Variants in LPAR4 observed in about 807,000 individuals in gnomAD.
The protein encoded by LPAR4 is lysophosphatidic acid receptor 4.
In LPAR4, 14 loss-of-function variants were observed where a neutral mutation model predicts 9.2. The observed-to-expected ratio is 1.51, with a 90% CI of 1.00 to 2.37. The LOEUF (loss-of-function observed/expected upper bound fraction) is 2.37, where lower values mean the gene tolerates loss of function less well. Ranked by LOEUF, LPAR4 falls within the 30% of genes most tolerant of loss-of-function variation. LPAR4 has a pLI of 0.00. For synonymous variants in LPAR4, 131 were observed against 97.9 expected (o/e 1.34, Z -1.99); for missense variants, 251 against 272.1 (o/e 0.92, Z 0.55).
rs1458468264 is a variant in LPAR4, at chrX:78,755,826, G to A, written c.957G>A (p.Gln319=). 2 of 1,210,660 alleles carry A rather than the reference G, an allele frequency of 1.7e-6. No individual in the cohort carries two copies. Among genetic ancestry groups the A allele is most frequent in the African/African-American group, 1.7e-5 (1 of 57,728 alleles). Residue 319 remains glutamine (Q), a synonymous_variant, in exon 5 of 5, where the codon CAG becomes CAA. Coordinates refer to ENST00000614823, the MANE Select transcript of LPAR4 (RefSeq NM_001278000.3). ...FIYYFTLESF[Q]KSFYINAHIR... ...ATTACTTCACCCTTGAATCCTTTCA[G>A]AAGTCCTTCTACATCAATGCCCACA...
At chrX:78,752,379 C>T (rs1925103825) in intron 4 of LPAR4, among the ~76,000 whole-genome samples, 1 of 111,797 alleles carries the variant, frequency 8.9e-6, no homozygotes, top group South Asian at 3.7e-4. Context: ...GACCTAGAGT[C>T]TTATCTGTTA....
At chrX:78,748,642 A>T (rs1282703372) in intron 1 of LPAR4, among the ~76,000 whole-genome samples, 1 of 112,189 alleles carries the variant, frequency 8.9e-6, no homozygotes, top group Non-Finnish European at 1.9e-5. Flanking sequence ...ATTTTCAGTA[A>T]AAAGGTCTTA....
intron 1 of LPAR4, among the ~76,000 whole-genome samples, chrX:78,749,587 T>A (rs995197468): frequency 1.8e-5 from 2 of 111,243 alleles, no homozygotes; most frequent in African/African-American, 3.3e-5. Context: ...ATATGCCTGC[T>A]GAAATGAGCA....
In LPAR4 at chrX:78,756,781, C is replaced by T. The variant is rs1382434517; in HGVS notation, c.*799C>T. ...ATTTTTTCTTAAAATGTCACGTTAT[C>T]TTCATTTTGGGAAACTAGGTTCTAT... On this transcript the variant is annotated 3_prime_UTR_variant, in exon 5 of 5. Coordinates refer to ENST00000614823, the MANE Select transcript of LPAR4 (RefSeq NM_001278000.3). 1 of 121,701 alleles carries T rather than the reference C, an allele frequency of 8.2e-6. No homozygotes were observed. The highest frequency in any genetic ancestry group is 1.9e-5 in the Non-Finnish European group (1 of 52,789). The allele number at this position is 121,701 out of a possible 1,213,427, so 10.0% of individuals were successfully genotyped here. A position where few individuals can be genotyped will look rare whatever the true frequency, so the allele number is the denominator to read the frequency against.
At chrX:78,753,125 G>A (rs1488374020) in intron 4 of LPAR4, among the ~76,000 whole-genome samples, 1 of 111,554 alleles carries the variant, frequency 9.0e-6, no homozygotes, top group Non-Finnish European at 1.9e-5. Flanking sequence ...CAGAATAATT[G>A]GGAGCAGAGG....
Position 78,755,869 on chromosome X carries a change from T to C in LPAR4, c.1000T>C (p.Phe334Leu), listed in dbSNP as rs765162791. 6 of 1,208,421 alleles carry C rather than the reference T, an allele frequency of 5.0e-6. No individual in the cohort carries two copies. The highest frequency in any genetic ancestry group is 3.5e-5 in the African/African-American group (2 of 57,071). Residue 334 changes from phenylalanine to leucine, a missense_variant, in exon 5 of 5, where the codon TTT (phenylalanine) becomes CTT (leucine). Phe to Leu is a conservative substitution (Grantham distance 22). Coordinates refer to ENST00000614823, the MANE Select transcript of LPAR4 (RefSeq NM_001278000.3). ...TGCCCACATCAGAATGGAGTCCCTG[T>C]TTAAGACTGAAACACCTTTGACCAC... The part of the protein sequence containing the change: ...INAHIRMESL[F>L]KTETPLTTKP...
At position 78,754,925 on chromosome X, in the gene LPAR4, G is replaced by C; in HGVS notation, c.56G>C (p.Arg19Thr). 1 of 1,206,352 alleles carries C rather than the reference G, an allele frequency of 8.3e-7. No individual in the cohort carries two copies. The highest frequency in any genetic ancestry group is 1.8e-5 in the South Asian group (1 of 55,885). Residue 19 changes from arginine (R) to threonine (T), a missense_variant, in exon 5 of 5, where the codon AGA (arginine) becomes ACA (threonine). Transcript: ENST00000614823. ...TTCCAAGATTCAAATTCAAGCCTCAGACCCAGGTTGGGCAATGCTACTGCC... is the reference window on the plus strand; with the variant it reads ...TTCCAAGATTCAAATTCAAGCCTCACACCCAGGTTGGGCAATGCTACTGCC... ...FQFQDSNSSL[R>T]PRLGNATANN...
intron 4 of LPAR4, among the ~76,000 whole-genome samples, chrX:78,751,549 G>A (rs1460291645): frequency 9.0e-6 from 1 of 110,644 alleles, no homozygotes; most frequent in Admixed American, 9.6e-5. Flanking sequence ...TCTGCCACTG[G>A]GATTTACCTT....
At position 78,754,771 on chromosome X, in the gene LPAR4, T is replaced by C; in HGVS notation, c.-79-20T>C. The C allele has an allele frequency of 2.9e-6, 2 of 683,980 alleles. No individual in the cohort carries two copies. Among genetic ancestry groups the C allele is most frequent in the Non-Finnish European group, 2.1e-6 (1 of 472,513 alleles). The allele number at this position is 683,980 out of a possible 1,213,427, so 56.4% of individuals were successfully genotyped here. A position where few individuals can be genotyped will look rare whatever the true frequency, so the allele number is the denominator to read the frequency against. ...GATGGAAGGCAAATTTGATTATTTG[T>C]TCCATCTTGTCTCTCATAGGAGGAA... On this transcript the variant is annotated intron_variant, in intron 4 of 4. Coordinates refer to ENST00000614823, the MANE Select transcript of LPAR4 (RefSeq NM_001278000.3).
Position 78,750,208 on chromosome X carries a change from T to C in LPAR4, c.-260T>C, listed in dbSNP as rs1924994643. On this transcript the variant is annotated 5_prime_UTR_variant, in exon 2 of 5. Coordinates refer to ENST00000614823, the MANE Select transcript of LPAR4 (RefSeq NM_001278000.3). Reference sequence around the variant, plus strand: ...TTTCTGGAGGAGTGTGAAAATCAACTCTCCTTAATATTAAGGTGATCTCAA... The same window carrying C: ...TTTCTGGAGGAGTGTGAAAATCAACCCTCCTTAATATTAAGGTGATCTCAA... 1 of 111,727 alleles carries C rather than the reference T, an allele frequency of 9.0e-6. No individual in the cohort carries two copies. Among genetic ancestry groups the C allele is most frequent in the African/African-American group, 3.3e-5 (1 of 30,740 alleles). 9.2% of individuals were successfully genotyped at this position (111,727 alleles called of 1,213,427 possible). A position where few individuals can be genotyped will look rare whatever the true frequency, so the allele number is the denominator to read the frequency against.
chrX:78,752,617 A>C (rs1925114546), intron 4 of LPAR4, among the ~76,000 whole-genome samples: 1 of 111,704 alleles, frequency 9.0e-6, no homozygotes, highest in South Asian at 3.8e-4. Context: ...GATCAGAAGC[A>C]CTCTGACCTG....
intron 4 of LPAR4, among the ~76,000 whole-genome samples, chrX:78,752,097 T>C (rs1389269360): frequency 9.0e-6 from 1 of 111,346 alleles, no homozygotes; most frequent in South Asian, 3.8e-4. Flanking sequence ...TCAAATAAAA[T>C]GGAGAGACAA....
chrX:78,755,148 T>G lies in LPAR4; in HGVS notation c.279T>G (p.Pro93=). Residue 93 remains proline (P), a synonymous_variant, in exon 5 of 5, where the codon CCT becomes CCG. Transcript: ENST00000614823. ...ATTTGCTTTTTGTCTGTACACTACCTTTTAAAATATTTTACAACTTCAACC... is the reference window on the plus strand; with the variant it reads ...ATTTGCTTTTTGTCTGTACACTACCGTTTAAAATATTTTACAACTTCAACC... The part of the protein sequence containing the change: ...VSDLLFVCTL[P]FKIFYNFNRH... 8.3e-7 allele frequency: 1 copy of G among 1,210,208 alleles called. No individual in the cohort carries two copies. Among genetic ancestry groups the G allele is most frequent in the African/African-American group, 1.7e-5 (1 of 57,681 alleles).
At chrX:78,754,616 C>G (rs1263146763) in intron 4 of LPAR4, among the ~76,000 whole-genome samples, 175 bp from the exon 5 acceptor site, 3 of 111,439 alleles carry the variant, frequency 2.7e-5, no homozygotes, top group Non-Finnish European at 5.7e-5. Flanking sequence ...CTTTCCTGCT[C>G]CTGCAACATA....
At position 78,757,250 on chromosome X, in the gene LPAR4, C is replaced by A. The variant is rs1431410726; in HGVS notation, c.*1268C>A. The stretch of plus-strand genomic sequence containing the variant: ...ATGTCATTTGCATAACATTTTGAAG[C>A]ACAACGCAGCTACCAAGTGGCTAAA... On this transcript the variant is annotated 3_prime_UTR_variant, in exon 5 of 5. Coordinates refer to ENST00000614823, the MANE Select transcript of LPAR4 (RefSeq NM_001278000.3). 9.0e-6 allele frequency among the ~76,000 whole-genome samples: 1 copy of A among 111,481 alleles called. No individual in the cohort carries two copies. Among genetic ancestry groups the A allele is most frequent in the African/African-American group, 3.2e-5 (1 of 30,795 alleles).
At position 78,758,533 on chromosome X, in the gene LPAR4, T is replaced by A. The variant is rs1160806980; in HGVS notation, c.*2551T>A. Among the ~76,000 whole-genome samples the A allele has an allele frequency of 9.0e-6, 1 of 111,652 alleles. No homozygotes were observed. The highest frequency in any genetic ancestry group is 2.8e-4 in the East Asian group (1 of 3,612). On this transcript the variant is annotated 3_prime_UTR_variant, in exon 5 of 5. Transcript: ENST00000614823. ...TATTTCACTTCTCAAATTTCCATTT[T>A]TATAGTTAATATAAATTGCTAATAA...
Position 78,756,080 on chromosome X carries a change from A to G in LPAR4, c.*98A>G. ...AAGCTAATGATACTGAGAATAATGC[A>G]CCAAATCCAGTCAGATACATTTGTT... On this transcript the variant is annotated 3_prime_UTR_variant, in exon 5 of 5. Coordinates refer to ENST00000614823, the MANE Select transcript of LPAR4 (RefSeq NM_001278000.3). The G allele has an allele frequency of 1.5e-6, 1 of 677,312 alleles. No homozygotes were observed. The highest frequency in any genetic ancestry group is 2.2e-6 in the Non-Finnish European group (1 of 445,694). 55.8% of individuals were successfully genotyped at this position (677,312 alleles called of 1,213,427 possible).
intron 4 of LPAR4, among the ~76,000 whole-genome samples, chrX:78,753,895 A>G (rs984802784): frequency 8.9e-6 from 1 of 111,837 alleles, no homozygotes; most frequent in African/African-American, 3.3e-5. Context: ...AGCTATGAAT[A>G]GGGCCACAGT....
At position 78,757,561 on chromosome X, in the gene LPAR4, C is replaced by T. The variant is rs896392348; in HGVS notation, c.*1579C>T. On this transcript the variant is annotated 3_prime_UTR_variant, in exon 5 of 5. Coordinates refer to ENST00000614823, the MANE Select transcript of LPAR4 (RefSeq NM_001278000.3). The stretch of plus-strand genomic sequence containing the variant: ...TTAAACCGCAAAAATCTTTAAAACT[C>T]TTACTAGTTTTTAAACTAAAGTGGA... Among the ~76,000 whole-genome samples the T allele has an allele frequency of 9.0e-6, 1 of 111,507 alleles. No individual in the cohort carries two copies.
Sources: allele counts gnomAD v4.1 joint callset (sites outside exome capture counted in the v4.1 genomes callset), GRCh38; gene constraint gnomAD v4.1.1; transcripts MANE v1.5; gene names NCBI Gene and HGNC (gene_info 2026-07-23, HGNC 2026-07-21).